Variants in PAPPA2 observed in about 807,000 individuals in gnomAD.
The protein encoded by PAPPA2 is pappalysin-2.
PAPPA2 carries 86 observed loss-of-function variants against 176.4 expected under a neutral mutation model. That is an observed-to-expected ratio of 0.49 (90% CI 0.41 to 0.58). The LOEUF (loss-of-function observed/expected upper bound fraction) is 0.58, where lower values mean the gene tolerates loss of function less well. Ranked by LOEUF, PAPPA2 falls within the 20% of genes least tolerant of loss-of-function variation. PAPPA2 has a pLI of 0.00. For synonymous variants in PAPPA2, 809 were observed against 852.2 expected (o/e 0.95, Z 0.88); for missense variants, 2,073 against 2,256.9 (o/e 0.92, Z 1.65).
At chr1:176,532,946 C>T (rs971295185) in intron 1 of PAPPA2, among the ~76,000 whole-genome samples, 1 of 152,322 alleles carries the variant, frequency 6.6e-6, no homozygotes, top group South Asian at 2.1e-4. Context: ...TAGATTTGCC[C>T]ATGGCAATCT....
chr1:176,691,016 T>G, intron 5 of PAPPA2: 1 of 985,434 alleles, frequency 1.0e-6, no homozygotes, highest in Non-Finnish European at 1.2e-6. Context: ...ACATCTAATT[T>G]TAAAAAAATG....
intron 17 of PAPPA2, among the ~76,000 whole-genome samples, chr1:176,782,820 G>A (rs932027612): frequency 3.3e-5 from 5 of 152,174 alleles, no homozygotes; most frequent in Non-Finnish European, 5.9e-5. Context: ...AATCTTTGCT[G>A]ACTGGCTGGG....
chr1:176,787,466 C>T (rs1262580282), intron 17 of PAPPA2, among the ~76,000 whole-genome samples: 1 of 151,992 alleles, frequency 6.6e-6, no homozygotes, highest in Admixed American at 6.6e-5. Flanking sequence ...AAACTCCTGA[C>T]CTCAAGAGAC....
At chr1:176,789,718 G>C (rs576483212) in intron 17 of PAPPA2, 91 bp from the exon 18 acceptor site, 217 of 1,418,530 alleles carry the variant, frequency 1.5e-4, no homozygotes, top group Non-Finnish European at 2.0e-4. Context: ...CTGCCTATTT[G>C]CTAATTCTTA....
At chr1:176,504,890 C>A (rs533735219) in intron 1 of PAPPA2, among the ~76,000 whole-genome samples, 1 of 151,964 alleles carries the variant, frequency 6.6e-6, no homozygotes, top group Non-Finnish European at 1.5e-5. Context: ...GAAGATAATA[C>A]GGAACAGAGC....
At chr1:176,610,366 T>C (rs527618637) in intron 3 of PAPPA2, among the ~76,000 whole-genome samples, 1 of 151,344 alleles carries the variant, frequency 6.6e-6, no homozygotes, top group African/African-American at 2.4e-5. Context: ...GTAGGATTTA[T>C]AGGAATGAAC....
intron 3 of PAPPA2, among the ~76,000 whole-genome samples, chr1:176,652,458 A>C (rs184155806): frequency 6.6e-6 from 1 of 151,750 alleles, no homozygotes; most frequent in Admixed American, 6.6e-5. Context: ...GCCCTGTACC[A>C]TATTGGAGAG....
chr1:176,762,255 T>A (rs1663734980), intron 14 of PAPPA2, among the ~76,000 whole-genome samples: 1 of 151,844 alleles, frequency 6.6e-6, no homozygotes, highest in Admixed American at 6.6e-5. Context: ...TTGGTCCTTT[T>A]TTTTTTTTTT....
intron 10 of PAPPA2, 78 bp downstream of exon 10, chr1:176,706,528 A>G: frequency 8.2e-7 from 1 of 1,212,706 alleles, no homozygotes; most frequent in Non-Finnish European, 1.2e-6. Context: ...GATATCCTGT[A>G]ACATCTAGCT....
chr1:176,489,871 G>T (rs920587094), intron 1 of PAPPA2, among the ~76,000 whole-genome samples: 2 of 152,150 alleles, frequency 1.3e-5, no homozygotes, highest in Non-Finnish European at 2.9e-5. Context: ...AAGGACTGAT[G>T]CTCATTCAGC....
intron 14 of PAPPA2, among the ~76,000 whole-genome samples, chr1:176,756,162 C>T (rs966593006): frequency 1.3e-5 from 2 of 152,100 alleles, no homozygotes; most frequent in East Asian, 1.9e-4. Context: ...ACCATGTTGG[C>T]CAGGCTGGTC....
chr1:176,672,760 C>T (rs1659083232), intron 4 of PAPPA2, among the ~76,000 whole-genome samples: 1 of 152,114 alleles, frequency 6.6e-6, no homozygotes, highest in Non-Finnish European at 1.5e-5. Context: ...AAATTAAATG[C>T]TTTGCCAGCG....
chr1:176,572,141 T>C (rs1422816265), intron 2 of PAPPA2, among the ~76,000 whole-genome samples: 2 of 152,216 alleles, frequency 1.3e-5, no homozygotes, highest in African/African-American at 4.8e-5. Context: ...TGGCTCCTAA[T>C]TTGGTGTTAT....
At chr1:176,838,870 A>T (rs894289803) in intron 21 of PAPPA2, among the ~76,000 whole-genome samples, 7 of 152,234 alleles carry the variant, frequency 4.6e-5, no homozygotes, top group Non-Finnish European at 1.0e-4. Context: ...ACTGGTATAC[A>T]TCTGGAATGA....
At chr1:176,651,337 T>G (rs1410007116) in intron 3 of PAPPA2, among the ~76,000 whole-genome samples, 4 of 151,644 alleles carry the variant, frequency 2.6e-5, no homozygotes. Context: ...CTGTCAGCTT[T>G]TATTCATCTA....
chr1:176,779,476 TCACACACACACACACA>T (rs376976102), intron 17 of PAPPA2, among the ~76,000 whole-genome samples: 78 of 126,968 alleles, frequency 6.1e-4, no homozygotes, highest in African/African-American at 1.5e-3. Context: ...TCCATACTCA[TCACACACACACACACA>T]CACACACACA....
At chr1:176,766,771 A>G (rs1663987828) in intron 15 of PAPPA2, among the ~76,000 whole-genome samples, 1 of 152,202 alleles carries the variant, frequency 6.6e-6, no homozygotes, top group Admixed American at 6.5e-5. Flanking sequence ...AGAAAACATG[A>G]CCATATTATA....
chr1:176,616,876 T>C, intron 3 of PAPPA2: 1 of 452,652 alleles, frequency 2.2e-6, no homozygotes, highest in Non-Finnish European at 4.1e-6. Context: ...TGAAGTCGAC[T>C]TCAATATACT....
intron 21 of PAPPA2, among the ~76,000 whole-genome samples, chr1:176,837,874 C>CA (rs1667334560): frequency 1.3e-5 from 2 of 152,156 alleles, no homozygotes; most frequent in Non-Finnish European, 2.9e-5. Flanking sequence ...ACCTTGGACT[C>CA]AAACTGTCGA....
Sources: allele counts gnomAD v4.1 joint callset (sites outside exome capture counted in the v4.1 genomes callset), GRCh38; gene constraint gnomAD v4.1.1; transcripts MANE v1.5; gene names NCBI Gene and HGNC (gene_info 2026-07-23, HGNC 2026-07-21).